The following COL25A1 variants were observed in gnomAD, a reference collection of about 807,000 sequenced individuals.
The protein encoded by COL25A1 is collagen alpha-1(XXV) chain.
A neutral mutation model predicts 128.4 loss-of-function variants in COL25A1; 103 were observed. That is an observed-to-expected ratio of 0.80 (90% CI 0.68 to 0.94). COL25A1 has a LOEUF of 0.94. Ranked by LOEUF, COL25A1 falls within the 40% of genes least tolerant of loss-of-function variation. The pLI is 0.00. For synonymous variants in COL25A1, 279 were observed against 277.2 expected (o/e 1.01, Z -0.06); for missense variants, 745 against 840.0 (o/e 0.89, Z 1.40).
intron 3 of COL25A1, among the ~76,000 whole-genome samples, chr4:109,284,994 C>T (rs1259652818): frequency 1.3e-5 from 2 of 151,912 alleles, no homozygotes; most frequent in African/African-American, 4.8e-5. Context: ...TTTTAGTCTG[C>T]TTAGTTAGCA....
intron 3 of COL25A1, among the ~76,000 whole-genome samples, chr4:109,223,318 A>C (rs1442118599): frequency 2.0e-5 from 3 of 152,190 alleles, no homozygotes; most frequent in African/African-American, 7.2e-5. Context: ...GCAGGCCTCA[A>C]TCTTACTGTT....
intron 8 of COL25A1, among the ~76,000 whole-genome samples, chr4:108,942,855 C>G (rs1748298705): frequency 7.0e-6 from 1 of 142,416 alleles, no homozygotes; most frequent in African/African-American, 2.7e-5. Flanking sequence ...CTCCAGGGTT[C>G]AAGTGATTCT....
chr4:109,057,504 A>G (rs1761564823), intron 3 of COL25A1, among the ~76,000 whole-genome samples: 1 of 135,766 alleles, frequency 7.4e-6, no homozygotes, highest in Non-Finnish European at 1.5e-5. Flanking sequence ...CTGGTCTCAA[A>G]CTCCTGACTT....
At chr4:108,888,147 GT>G (rs978390735) in intron 18 of COL25A1, among the ~76,000 whole-genome samples, 2 of 152,104 alleles carry the variant, frequency 1.3e-5, no homozygotes, top group African/African-American at 4.8e-5. Flanking sequence ...AGAAAAATCT[GT>G]TTTTAAATTA....
intron 3 of COL25A1, among the ~76,000 whole-genome samples, chr4:109,132,604 G>T (rs1380324117): frequency 2.6e-5 from 4 of 152,124 alleles, no homozygotes; most frequent in African/African-American, 4.8e-5. Context: ...AGTAAAAGGA[G>T]AAATTTTGAT....
chr4:108,943,898 G>A (rs1560907860), intron 8 of COL25A1, among the ~76,000 whole-genome samples: 1 of 151,120 alleles, frequency 6.6e-6, no homozygotes, highest in Non-Finnish European at 1.5e-5. Flanking sequence ...CATGGCCTAG[G>A]CTCTCCCTCT....
intron 5 of COL25A1, among the ~76,000 whole-genome samples, chr4:109,038,128 T>A (rs1278361633): frequency 6.6e-6 from 1 of 152,200 alleles, no homozygotes; most frequent in African/African-American, 2.4e-5. Context: ...ATGGTTAATG[T>A]GATGTGTCAA....
intron 3 of COL25A1, among the ~76,000 whole-genome samples, chr4:109,279,686 T>C (rs1490526868): frequency 1.3e-5 from 2 of 152,216 alleles, no homozygotes; most frequent in East Asian, 3.8e-4. Context: ...AAATGATAAA[T>C]GTGTACATAG....
At position 109,243,230 on chromosome 4, in the gene COL25A1, A is replaced by G. The variant is rs1009132470; in HGVS notation, c.367+57353T>C. Among the ~76,000 whole-genome samples, 13 of 152,056 alleles carry G rather than the reference A, an allele frequency of 8.5e-5. No individual in the cohort carries two copies. In the East Asian group the frequency reaches 2.5e-3, roughly 29 times the overall value. On this transcript the variant is annotated intron_variant, in intron 3 of 37. Transcript: ENST00000399132. ...AGAGCAAATAGGAGTTAAAAAGAGT[A>G]TAACCTTCAAGTTGAGTCTTCCTCT...
intron 24 of COL25A1, among the ~76,000 whole-genome samples, chr4:108,856,787 G>A (rs1322071101): frequency 1.3e-5 from 2 of 152,036 alleles, no homozygotes; most frequent in Non-Finnish European, 2.9e-5. Context: ...GTTTCATATT[G>A]AAATATAGGT....
Position 109,149,365 on chromosome 4 carries a change from C to A in COL25A1, c.368-99186G>T, listed in dbSNP as rs541587143. ...TAAATATTGAAATATATAAAAACTA[C>A]ACTATTCTTCGACGTTCACCAATGA... On this transcript the variant is annotated intron_variant, in intron 3 of 37. Coordinates refer to ENST00000399132, the MANE Select transcript of COL25A1 (RefSeq NM_198721.4). Among the ~76,000 whole-genome samples the A allele has an allele frequency of 1.6e-3, 247 of 152,212 alleles. 1 individual carries two copies. Among genetic ancestry groups the A allele is most frequent in the African/African-American group, 5.6e-3 (233 of 41,528 alleles).
chr4:109,056,000 T>A (rs1056209951), intron 3 of COL25A1, among the ~76,000 whole-genome samples: 1 of 152,224 alleles, frequency 6.6e-6, no homozygotes, highest in African/African-American at 2.4e-5. Flanking sequence ...CCTCAAGTTT[T>A]AATCTCTGTG....
intron 5 of COL25A1, among the ~76,000 whole-genome samples, chr4:109,034,068 C>T (rs563016535): frequency 6.6e-6 from 1 of 152,154 alleles, no homozygotes; most frequent in South Asian, 2.1e-4. Flanking sequence ...AATAGATTCC[C>T]TTGATAGTGC....
At chr4:109,221,297 A>G (rs1228921580) in intron 3 of COL25A1, among the ~76,000 whole-genome samples, 1 of 152,154 alleles carries the variant, frequency 6.6e-6, no homozygotes, top group Non-Finnish European at 1.5e-5. Flanking sequence ...AATTTTTCAA[A>G]TTTGCCTAAA....
intron 3 of COL25A1, among the ~76,000 whole-genome samples, chr4:109,238,501 C>T (rs952649965): frequency 6.6e-6 from 1 of 152,004 alleles, no homozygotes; most frequent in African/African-American, 2.4e-5. Flanking sequence ...GCATGTGAGG[C>T]TCTGTAGACT....
chr4:108,810,623 T>C lies in COL25A1; in HGVS notation c.*3304A>G, dbSNP rs999250289. 7 of 151,942 alleles carry C rather than the reference T, an allele frequency of 4.6e-5. No homozygotes were observed. The highest frequency in any genetic ancestry group is 7.4e-5 in the Non-Finnish European group (5 of 67,834). The allele number at this position is 151,942 out of a possible 1,614,324, so 9.4% of individuals were successfully genotyped here. On this transcript the variant is annotated 3_prime_UTR_variant, in exon 38 of 38. Transcript: ENST00000399132. ...AGTTTTGTCATGTTTCATCAAATCA[T>C]ATAAACTAAAAGACGAGTGAATGAA...
chr4:109,105,177 T>C (rs1422304549), intron 3 of COL25A1, among the ~76,000 whole-genome samples: 1 of 152,156 alleles, frequency 6.6e-6, no homozygotes, highest in Non-Finnish European at 1.5e-5. Context: ...TTTTCTGTAA[T>C]AAAAAGATTC....
At chr4:108,883,271 G>A (rs561562720) in intron 19 of COL25A1, among the ~76,000 whole-genome samples, 14 of 151,930 alleles carry the variant, frequency 9.2e-5, no homozygotes, top group East Asian at 1.9e-4. Context: ...CAAATAATCC[G>A]CCCGCTTCAG....
intron 10 of COL25A1, among the ~76,000 whole-genome samples, chr4:108,939,890 TAGCCA>T (rs1747880660): frequency 6.6e-6 from 1 of 152,194 alleles, no homozygotes; most frequent in Admixed American, 6.5e-5. Context: ...CCAATCTTAG[TAGCCA>T]AGTATTGAGA....
Sources: allele counts gnomAD v4.1 joint callset (sites outside exome capture counted in the v4.1 genomes callset), GRCh38; gene constraint gnomAD v4.1.1; transcripts MANE v1.5; gene names NCBI Gene and HGNC (gene_info 2026-07-23, HGNC 2026-07-21).